Variants in FHIT observed in about 807,000 individuals in gnomAD.
FHIT encodes fragile histidine triad diadenosine triphosphatase, also known as bis(5'-adenosyl)-triphosphatase.
A neutral mutation model predicts 17.9 loss-of-function variants in FHIT; 19 were observed. That is an observed-to-expected ratio of 1.06 (90% confidence interval 0.74 to 1.56). The LOEUF is 1.56. Ranked by LOEUF, FHIT falls within the 40% of genes most tolerant of loss-of-function variation. The probability of loss-of-function intolerance (pLI) is 0.00; values close to 1 mark genes in which losing one functional copy is unlikely to be tolerated. For synonymous variants in FHIT, 81 were observed against 69.7 expected, an observed-to-expected ratio of 1.16 and a Z score of -0.81; for missense variants, 248 against 189.2, an observed-to-expected ratio of 1.31 and a Z score of -1.82.
intron 8 of FHIT, among the ~76,000 whole-genome samples, chr3:59,752,893 G>T (rs771726253): frequency 6.6e-6 from 1 of 152,104 alleles, no homozygotes; most frequent in African/African-American, 2.4e-5. Context: ...ACCCAGCCCC[G>T]GGTAGTTCCT....
intron 4 of FHIT, chr3:60,617,064 G>C (rs1056245423): frequency 1.4e-5 from 3 of 215,714 alleles, no homozygotes; most frequent in South Asian, 8.3e-5. Context: ...GCAAAGAAAC[G>C]ACAGCCTGGA....
rs148611266 is a variant in FHIT at position 60,123,406 on chromosome 3, T to C, written c.104-109254A>G. ...TAAACTCATTCTAAAGTCAAAGACA[T>C]TGTCTTAATAACAGTCTCTGAATTA... is the stretch of plus-strand genomic sequence containing the variant. On this transcript the variant is annotated intron_variant, in intron 5 of 9. Coordinates refer to ENST00000492590, the MANE Select transcript of FHIT (RefSeq NM_002012.4). Among the ~76,000 whole-genome samples the C allele has an allele frequency of 5.7e-3, 865 of 152,280 alleles. 4 individuals are homozygous for C. Among genetic ancestry groups the C allele is most frequent in the Admixed American group, 7.5e-3 (115 of 15,288 alleles).
chr3:60,522,113 T>TTG (rs2035393878), intron 5 of FHIT, among the ~76,000 whole-genome samples: 1 of 150,554 alleles, frequency 6.6e-6, no homozygotes, highest in African/African-American at 2.4e-5. Flanking sequence ...GAAGTTTTTT[T>TTG]TTTTTTTTTT....
intron 7 of FHIT, among the ~76,000 whole-genome samples, chr3:60,009,178 T>C (rs1700041550): frequency 9.8e-6 from 1 of 101,962 alleles, no homozygotes; most frequent in African/African-American, 4.4e-5. Flanking sequence ...TGTGTGTGTG[T>C]GTGTGTGTGT....
At chr3:60,746,268 TA>T (rs2042354844) in intron 4 of FHIT, among the ~76,000 whole-genome samples, 2 of 152,184 alleles carry the variant, frequency 1.3e-5, no homozygotes. Flanking sequence ...CAATGAGTCA[TA>T]AAAGCATCTA....
At chr3:60,213,112 A>G (rs926203495) in intron 5 of FHIT, among the ~76,000 whole-genome samples, 1 of 152,182 alleles carries the variant, frequency 6.6e-6, no homozygotes, top group African/African-American at 2.4e-5. Flanking sequence ...CGATGACAAG[A>G]ACACAAATCA....
intron 7 of FHIT, 23 bp downstream of exon 7, chr3:60,011,348 G>T (rs768597887): frequency 1.6e-5 from 26 of 1,610,612 alleles, no homozygotes; most frequent in Non-Finnish European, 2.0e-5. Flanking sequence ...TTATTAATTT[G>T]TATGCACATA....
chr3:60,286,032 G>C (rs1004961090), intron 5 of FHIT, among the ~76,000 whole-genome samples: 4 of 152,140 alleles, frequency 2.6e-5, no homozygotes, highest in Non-Finnish European at 5.9e-5. Flanking sequence ...TGGGTGTAGA[G>C]GGGGAGGAAG....
chr3:60,683,800 A>C (rs1178013305), intron 4 of FHIT, among the ~76,000 whole-genome samples: 2 of 152,192 alleles, frequency 1.3e-5, no homozygotes, highest in African/African-American at 4.8e-5. Flanking sequence ...GACATATAAC[A>C]CATTTTTTCC....
chr3:60,405,808 C>T (rs572898254), intron 5 of FHIT, among the ~76,000 whole-genome samples: 1 of 152,342 alleles, frequency 6.6e-6, no homozygotes, highest in East Asian at 1.9e-4. Flanking sequence ...ATGTACACAG[C>T]AGCCCCCAAC....
intron 5 of FHIT, among the ~76,000 whole-genome samples, chr3:60,154,341 C>G (rs1280390117): frequency 6.6e-6 from 1 of 152,168 alleles, no homozygotes; most frequent in Non-Finnish European, 1.5e-5. Context: ...AGGTCAAAAA[C>G]CAAACAGGCC....
intron 7 of FHIT, among the ~76,000 whole-genome samples, chr3:59,933,066 G>A (rs2107236297): frequency 6.6e-6 from 1 of 152,210 alleles, no homozygotes; most frequent in South Asian, 2.1e-4. Context: ...CTTTTCTCCT[G>A]TAGTAGTAAG....
intron 4 of FHIT, among the ~76,000 whole-genome samples, chr3:60,626,753 G>C (rs1352530795): frequency 7.0e-6 from 1 of 143,824 alleles, no homozygotes; most frequent in Non-Finnish European, 1.5e-5. Context: ...GGGGATATCT[G>C]TGCCTTCTTC....
chr3:60,331,676 G>A (rs753268674), intron 5 of FHIT, among the ~76,000 whole-genome samples: 4 of 151,922 alleles, frequency 2.6e-5, no homozygotes, highest in Non-Finnish European at 2.9e-5. Context: ...GAGAAACCTC[G>A]TATCTGCTAA....
intron 4 of FHIT, among the ~76,000 whole-genome samples, chr3:60,719,369 C>G (rs1261996287): frequency 6.6e-6 from 1 of 152,184 alleles, no homozygotes; most frequent in Non-Finnish European, 1.5e-5. Flanking sequence ...TATCGGACCT[C>G]TGTCTGTTTG....
intron 3 of FHIT, among the ~76,000 whole-genome samples, chr3:60,937,784 C>T (rs1325909530): frequency 6.6e-6 from 1 of 151,948 alleles, no homozygotes; most frequent in Admixed American, 6.6e-5. Flanking sequence ...GGCTGGTCTT[C>T]AACTCCTGAC....
chr3:59,786,480 G>A (rs750086981), intron 8 of FHIT, among the ~76,000 whole-genome samples: 9 of 152,138 alleles, frequency 5.9e-5, no homozygotes, highest in Middle Eastern at 3.2e-3. Context: ...AAACTTAGCC[G>A]GAAGCACTCT....
intron 5 of FHIT, among the ~76,000 whole-genome samples, chr3:60,506,603 G>A (rs989605976): frequency 6.6e-6 from 1 of 152,150 alleles, no homozygotes; most frequent in Non-Finnish European, 1.5e-5. Flanking sequence ...ATGTGCTTTG[G>A]CCAATGGATC....
chr3:60,767,636 T>G (rs977269519), intron 4 of FHIT, among the ~76,000 whole-genome samples: 5 of 152,240 alleles, frequency 3.3e-5, no homozygotes, highest in Admixed American at 2.6e-4. Context: ...CAAAATTCGG[T>G]GTCTTCACAT....
Sources: allele counts gnomAD v4.1 joint callset (sites outside exome capture counted in the v4.1 genomes callset), GRCh38; gene constraint gnomAD v4.1.1; transcripts MANE v1.5; gene names NCBI Gene and HGNC (gene_info 2026-07-23, HGNC 2026-07-21).